MYO5B: variants seen among roughly 807,000 people sequenced by gnomAD.
The protein encoded by MYO5B is myosin VB.
Under a neutral mutation model 229.3 loss-of-function variants are expected in MYO5B, and 143 were observed. That is an observed-to-expected ratio of 0.62 (90% confidence interval 0.54 to 0.72). MYO5B has a LOEUF of 0.72. Among genes scored for constraint, MYO5B ranks in the 30% least tolerant of loss-of-function variants. The pLI is 0.00. For missense variants in MYO5B, 2,321 were observed against 2,331.0 expected (o/e 1.00, Z 0.09); for synonymous variants, 918 against 885.2 (o/e 1.04, Z -0.66).
At chr18:49,992,160 A>G in intron 6 of MYO5B, 128 bp downstream of exon 6, 1 of 1,334,320 alleles carries the variant, frequency 7.5e-7, no homozygotes, top group East Asian at 2.3e-5. Flanking sequence ...AAGAACCAAA[A>G]GAACAACTAC....
chr18:50,110,437 T>A (rs2031845309), intron 1 of MYO5B, among the ~76,000 whole-genome samples: 1 of 152,144 alleles, frequency 6.6e-6, no homozygotes, highest in Non-Finnish European at 1.5e-5. Flanking sequence ...TAGTGCTTTC[T>A]CTCATTTTAT....
chr18:49,983,153 C>A (rs1311321558), intron 8 of MYO5B, among the ~76,000 whole-genome samples: 1 of 152,196 alleles, frequency 6.6e-6, no homozygotes. Context: ...CCCCTTTGCC[C>A]TGCTTTATCA....
At chr18:50,161,292 G>A (rs144559985) in intron 1 of MYO5B, among the ~76,000 whole-genome samples, 20 of 152,296 alleles carry the variant, frequency 1.3e-4, no homozygotes, top group Admixed American at 2.0e-4. Flanking sequence ...GCTGAGGCAT[G>A]AGAATCACTT....
At chr18:49,903,545 A>G (rs1203728525) in intron 20 of MYO5B, among the ~76,000 whole-genome samples, 1 of 151,788 alleles carries the variant, frequency 6.6e-6, no homozygotes, top group East Asian at 1.9e-4. Context: ...ACCCAAGAAC[A>G]CTCACAGAAC....
intron 27 of MYO5B, among the ~76,000 whole-genome samples, chr18:49,869,564 C>T (rs1006060085): frequency 3.3e-5 from 5 of 152,192 alleles, no homozygotes; most frequent in Admixed American, 2.0e-4. Flanking sequence ...TTATTGCGCC[C>T]TCTCTGTGCC....
intron 33 of MYO5B, among the ~76,000 whole-genome samples, chr18:49,844,813 G>A (rs2024104707): frequency 6.6e-6 from 1 of 152,226 alleles, no homozygotes; most frequent in African/African-American, 2.4e-5. Flanking sequence ...GTCTTGGAAT[G>A]TTCTATTGTG....
At chr18:50,145,896 T>C (rs890656640) in intron 1 of MYO5B, among the ~76,000 whole-genome samples, 1 of 152,344 alleles carries the variant, frequency 6.6e-6, no homozygotes, top group Middle Eastern at 3.4e-3. Context: ...GTTTACACCA[T>C]TGGTCTTCAC....
At chr18:49,978,731 AC>A (rs2025781468) in intron 9 of MYO5B, among the ~76,000 whole-genome samples, 2 of 148,198 alleles carry the variant, frequency 1.3e-5, no homozygotes, top group South Asian at 2.1e-4. Flanking sequence ...ACACACACAC[AC>A]ACACACACAC....
In MYO5B at chr18:50,194,927, C is replaced by T; in HGVS notation, c.-134G>A. 1 of 1,180,262 alleles carries T rather than the reference C, an allele frequency of 8.5e-7. No individual in the cohort carries two copies. 73.1% of individuals were successfully genotyped at this position (1,180,262 alleles called of 1,614,324 possible). A position where few individuals can be genotyped will look rare whatever the true frequency, so the allele number is the denominator to read the frequency against. On this transcript the variant is annotated 5_prime_UTR_variant, in exon 1 of 40. Transcript: ENST00000285039. The stretch of plus-strand genomic sequence containing the variant: ...ATCTTCTCGCTCTTCTCCGACCTGC[C>T]CCGCCGGCTTCCCGCAGGCGCCGCG...
chr18:49,896,213 G>A (rs192506982), intron 21 of MYO5B, among the ~76,000 whole-genome samples: 78 of 152,270 alleles, frequency 5.1e-4, no homozygotes, highest in African/African-American at 1.4e-3. Flanking sequence ...GTTGTGACCA[G>A]TACGGCAATG....
Position 49,878,945 on chromosome 18 carries a change from C to G in MYO5B, c.3276G>C (p.Lys1092Asn). The change falls in exon 24 of 40, where the codon AAG becomes AAC. Residue 1092 changes from lysine (K) to asparagine (N), a missense_variant and splice_region_variant. Coordinates refer to ENST00000285039, the MANE Select transcript of MYO5B (RefSeq NM_001080467.3). The stretch of plus-strand genomic sequence containing the variant: ...GGCACAGCAGAAGCACCCCCCTTGC[C>G]TTTATGATGGTCATTTCATCCCGAA... Reference protein sequence around the residue: ...DNLRDEMTIIKQTPGHRRNPS... With the variant: ...DNLRDEMTIINQTPGHRRNPS... The G allele has an allele frequency of 7.4e-6, 12 of 1,614,146 alleles. No individual in the cohort carries two copies. The highest frequency in any genetic ancestry group is 1.0e-5 in the Non-Finnish European group (12 of 1,180,010).
At position 49,895,057 on chromosome 18, in the gene MYO5B, T is replaced by G. The variant is rs763736771; in HGVS notation, c.2929A>C (p.Thr977Pro). ...ACCTCCTCCTGCAGCCTGAGGCTGGTGTCCTCACCTGGGCTCTGCTGGTAG... is the reference window on the plus strand; with the variant it reads ...ACCTCCTCCTGCAGCCTGAGGCTGGGGTCCTCACCTGGGCTCTGCTGGTAG... Reference protein sequence around the residue: ...VHYQQSPGEDTSLRLQEEVES... With the variant: ...VHYQQSPGEDPSLRLQEEVES... The change falls in exon 22 of 40, where the codon ACC becomes CCC. Residue 977 changes from threonine (T) to proline (P), a missense_variant. This residue lies in a region of MYO5B where 2,113 missense variants were observed against 2,044.7 expected (regional missense o/e 1.03). Transcript: ENST00000285039. 5.6e-6 allele frequency: 9 copies of G among 1,614,142 alleles called. No individual in the cohort carries two copies. The Admixed American group carries it at 1.5e-4, about 27-fold the overall frequency.
In MYO5B at chr18:49,982,783, G is replaced by C. The variant is rs190739640; in HGVS notation, c.946+1935C>G. On this transcript the variant is annotated intron_variant, in intron 8 of 39. Coordinates refer to ENST00000285039, the MANE Select transcript of MYO5B (RefSeq NM_001080467.3). ...AAAAATTTACTATTTTGTCCTTTAA[G>C]TTTGCTAACCCCTGCAATTAAAAAA... 2.9e-3 allele frequency among the ~76,000 whole-genome samples: 442 copies of C among 152,248 alleles called. 3 individuals are homozygous for C. Among genetic ancestry groups the C allele is most frequent in the Admixed American group, 9.5e-3 (145 of 15,298 alleles).
In MYO5B at chr18:49,839,164, C is replaced by T; in HGVS notation, c.4832G>A (p.Gly1611Asp). 2 of 1,613,832 alleles carry T rather than the reference C, an allele frequency of 1.2e-6. No individual in the cohort carries two copies. The highest frequency in any genetic ancestry group is 8.5e-7 in the Non-Finnish European group (1 of 1,180,040). Residue 1611 changes from glycine to aspartate, a missense_variant, in exon 36 of 40, where the codon GGC (glycine) becomes GAC (aspartate). This residue lies in a region of MYO5B where 2,113 missense variants were observed against 2,044.7 expected (regional missense o/e 1.03). Transcript: ENST00000285039. ...IYQQLIKIAE[G>D]VLQPMIVSAM... ...CTTACCTATCATCGGCTGTAACACGCCCTCGGCAATTTTAATGAGCTGCTG... is the reference window on the plus strand; with the variant it reads ...CTTACCTATCATCGGCTGTAACACGTCCTCGGCAATTTTAATGAGCTGCTG...
intron 10 of MYO5B, among the ~76,000 whole-genome samples, chr18:49,968,787 T>C (rs953636036): frequency 2.0e-5 from 3 of 152,332 alleles, no homozygotes; most frequent in Non-Finnish European, 4.4e-5. Context: ...TTTTTTAGCT[T>C]TTAATATTTA....
chr18:49,971,555 TTTG>T (rs1320561888), intron 10 of MYO5B, among the ~76,000 whole-genome samples: 1 of 152,222 alleles, frequency 6.6e-6, no homozygotes, highest in African/African-American at 2.4e-5. Flanking sequence ...CTTCCGTTAA[TTTG>T]TTGATTTTAA....
At chr18:50,076,433 G>A (rs183692004) in intron 1 of MYO5B, among the ~76,000 whole-genome samples, 1 of 152,276 alleles carries the variant, frequency 6.6e-6, no homozygotes, top group South Asian at 2.1e-4. Flanking sequence ...AAGGAAAGGC[G>A]TGGCAGGAGG....
At chr18:50,084,817 G>T (rs1434317629) in intron 1 of MYO5B, among the ~76,000 whole-genome samples, 4 of 152,176 alleles carry the variant, frequency 2.6e-5, no homozygotes, top group Non-Finnish European at 4.4e-5. Flanking sequence ...ATGGGGAAAG[G>T]ATTCCCTATT....
chr18:50,123,980 T>C (rs2032113684), intron 1 of MYO5B, among the ~76,000 whole-genome samples: 1 of 152,236 alleles, frequency 6.6e-6, no homozygotes, highest in Non-Finnish European at 1.5e-5. Flanking sequence ...TCAGTGAGTC[T>C]TTTGAGTGAC....
Sources: allele counts gnomAD v4.1 joint callset (sites outside exome capture counted in the v4.1 genomes callset), GRCh38; gene constraint gnomAD v4.1.1; regional missense constraint gnomAD v4.1.1; transcripts MANE v1.5; gene names NCBI Gene and HGNC (gene_info 2026-07-23, HGNC 2026-07-21).